Variants in ZAN observed in about 807,000 individuals in gnomAD.
The protein encoded by ZAN is zonadhesin.
Under a neutral mutation model 286.2 loss-of-function variants are expected in ZAN, and 260 were observed. The observed-to-expected ratio is 0.91, with a 90% CI of 0.82 to 1.01. The LOEUF (loss-of-function observed/expected upper bound fraction) is 1.01, where lower values mean the gene tolerates loss of function less well. Among genes scored for constraint, ZAN ranks in the 50% least tolerant of loss-of-function variants. The pLI, the probability that ZAN is intolerant of heterozygous loss-of-function variation, is 0.00. For missense variants in ZAN, 3,410 were observed against 3,639.2 expected (o/e 0.94, Z 1.62); for synonymous variants, 1,368 against 1,417.5 (o/e 0.97, Z 0.79).
At chr7:100,754,550 C>G (rs920180949) in intron 14 of ZAN, among the ~76,000 whole-genome samples, 6 of 151,946 alleles carry the variant, frequency 3.9e-5, no homozygotes, top group Non-Finnish European at 8.8e-5. Context: ...GTCACCCAGG[C>G]TGGAGTGCAG....
In ZAN at chr7:100,787,985, A is replaced by C; in HGVS notation, c.7076A>C (p.Lys2359Thr). The C allele has an allele frequency of 6.4e-7, 1 of 1,555,804 alleles. No individual in the cohort carries two copies. The highest frequency in any genetic ancestry group is 8.8e-7 in the Non-Finnish European group (1 of 1,139,372). The stretch of plus-strand genomic sequence containing the variant: ...GGCCGCATGACCTATGTTCTGATCA[A>C]GACTGTGGACGTACTGCCTGAGGGG... The part of the protein sequence containing the change: ...LQGRMTYVLI[K>T]TVDVLPEGVE... Residue 2359 changes from lysine (K) to threonine (T), a missense_variant, in exon 38 of 48, where the codon AAG (lysine) becomes ACG (threonine). This residue lies in a region of ZAN where 1,289 missense variants were observed against 1,314.3 expected (regional missense o/e 0.98). Coordinates refer to ENST00000613979, the MANE Select transcript of ZAN (RefSeq NM_003386.3).
Position 100,748,516 on chromosome 7 carries a change from C to T in ZAN, c.1249+46C>T, listed in dbSNP as rs1808394386. 3 of 1,570,132 alleles carry T rather than the reference C, an allele frequency of 1.9e-6. No homozygotes were observed. The African/African-American group carries it at 4.1e-5, about 21-fold the overall frequency. The stretch of plus-strand genomic sequence containing the variant: ...TCACGCCAAGAAATCACTCAGTCTG[C>T]TCCCAGGTAGCAGGCTGGCTGCTGT... On this transcript the variant is annotated intron_variant, in intron 11 of 47. Transcript: ENST00000613979.
chr7:100,755,485 C>T, intron 15 of ZAN, 75 bp downstream of exon 15: 4 of 1,545,868 alleles, frequency 2.6e-6, no homozygotes, highest in Non-Finnish European at 2.6e-6. Context: ...TCCATCTGCT[C>T]CCCATGTGAA....
rs542521731 is a variant in ZAN, at chr7:100,765,688, C to T, written c.4470+134C>T. 533 of 1,203,194 alleles carry T rather than the reference C, an allele frequency of 4.4e-4. 2 individuals are homozygous for T. The highest frequency in any genetic ancestry group is 1.7e-3 in the South Asian group (108 of 63,540). 74.5% of individuals were successfully genotyped at this position (1,203,194 alleles called of 1,614,324 possible). On this transcript the variant is annotated intron_variant, in intron 23 of 47. Transcript: ENST00000613979. ...TTTTTGAGACGGAGTTTTGCTCTGT[C>T]GCCAGGCTGGAGTGCAGTGGCACGA...
intron 40 of ZAN, 106 bp from the exon 41 acceptor site, chr7:100,791,860 T>A: frequency 7.4e-7 from 1 of 1,360,400 alleles, no homozygotes; most frequent in Non-Finnish European, 9.9e-7. Context: ...CCCGGGTAGC[T>A]GGGACTCCAG....
chr7:100,768,017 T>A lies in ZAN; in HGVS notation c.5041+6T>A. 6.2e-7 allele frequency: 1 copy of A among 1,608,258 alleles called. No individual in the cohort carries two copies. Among genetic ancestry groups the A allele is most frequent in the Non-Finnish European group, 8.5e-7 (1 of 1,176,896 alleles). ...CCAGCTCTGTGGGCTGTGTGGTGAG[T>A]TTCCTGGGCACCTGCGGGGAAAGCT... On this transcript the variant is annotated splice_donor_region_variant and intron_variant, in intron 26 of 47. Coordinates refer to ENST00000613979, the MANE Select transcript of ZAN (RefSeq NM_003386.3).
intron 29 of ZAN, among the ~76,000 whole-genome samples, chr7:100,772,690 G>A (rs1810455054): frequency 6.6e-6 from 1 of 151,734 alleles, no homozygotes; most frequent in Non-Finnish European, 1.5e-5. Context: ...GCGTGGTGGT[G>A]GGCGCCTGTA....
At chr7:100,788,413 A>G (rs1169193840) in intron 38 of ZAN, among the ~76,000 whole-genome samples, 1 of 151,848 alleles carries the variant, frequency 6.6e-6, no homozygotes, top group East Asian at 1.9e-4. Flanking sequence ...TGAGCTGGAT[A>G]TGGGGGCGCA....
rs1562907819 is a variant in ZAN at position 100,735,740 on chromosome 7, A to G, written c.74A>G (p.Gln25Arg). Residue 25 changes from glutamine (Q) to arginine (R), a missense_variant, in exon 3 of 48, where the codon CAG becomes CGG. By Grantham distance (43) the Gln-to-Arg change is conservative. Transcript: ENST00000613979. ...ALFRKEKPPD[Q>R]KLVVRSSRDN... ...CCAAGGAAAGAGAAGCCTCCGGACC[A>G]GAAGCTGGTTGTTCGCAGCTCTAGG... 1 of 1,510,116 alleles carries G rather than the reference A, an allele frequency of 6.6e-7. No individual in the cohort carries two copies. Among genetic ancestry groups the G allele is most frequent in the African/African-American group, 1.4e-5 (1 of 70,536 alleles). 93.5% of individuals were successfully genotyped at this position (1,510,116 alleles called of 1,614,324 possible). A position where few individuals can be genotyped will look rare whatever the true frequency, so the allele number is the denominator to read the frequency against.
At chr7:100,776,665 C>A in intron 34 of ZAN, 101 bp downstream of exon 34, 1 of 790,690 alleles carries the variant, frequency 1.3e-6, no homozygotes, top group Non-Finnish European at 1.8e-6. Flanking sequence ...CCTCCCCTCC[C>A]CTTCCTTCCT....
chr7:100,783,247 G>A (rs577962976), intron 35 of ZAN, among the ~76,000 whole-genome samples: 200 of 152,046 alleles, frequency 1.3e-3, no homozygotes, highest in Non-Finnish European at 2.2e-3. Flanking sequence ...CAGCCAGGGC[G>A]GAAAGAGCGA....
chr7:100,784,974 T>G, intron 36 of ZAN, 140 bp downstream of exon 36: 1 of 983,738 alleles, frequency 1.0e-6, no homozygotes, highest in Non-Finnish European at 1.5e-6. Context: ...AGTGGCACAT[T>G]GATCTCCAGC....
rs146343271 is a variant in ZAN at position 100,768,726 on chromosome 7, G to A, written c.5153+5G>A. On this transcript the variant is annotated splice_donor_5th_base_variant and intron_variant, in intron 27 of 47. Coordinates refer to ENST00000613979, the MANE Select transcript of ZAN (RefSeq NM_003386.3). ...ACCTGAATCCTCTGAACCTGGGTGA[G>A]CTGGGGGTCAGGGGAGCCAGGCAGG... 1,862 of 1,588,238 alleles carry A rather than the reference G, an allele frequency of 1.2e-3. 12 individuals are homozygous for A. In the African/African-American group the frequency reaches 0.022, roughly 19 times the overall value.
intron 7 of ZAN, among the ~76,000 whole-genome samples, chr7:100,744,870 T>A (rs1209782431): frequency 7.4e-6 from 1 of 134,682 alleles, no homozygotes; most frequent in African/African-American, 3.2e-5. Context: ...GTCTCCTTGG[T>A]TTTTTTTTTG....
At chr7:100,758,121 T>C in intron 15 of ZAN, 81 bp from the exon 16 acceptor site, 1 of 869,254 alleles carries the variant, frequency 1.2e-6, no homozygotes, top group Non-Finnish European at 1.5e-6. Flanking sequence ...AATAAATAAA[T>C]AAATAAATGA....
intron 23 of ZAN, among the ~76,000 whole-genome samples, 158 bp downstream of exon 23, chr7:100,765,712 G>A (rs1228505954): frequency 1.3e-5 from 2 of 152,218 alleles, no homozygotes; most frequent in Admixed American, 6.5e-5. Context: ...GCAGTGGCAC[G>A]ATCTCGGCTC....
intron 2 of ZAN, among the ~76,000 whole-genome samples, chr7:100,734,661 A>G (rs1316102145): frequency 7.3e-6 from 1 of 137,706 alleles, no homozygotes; most frequent in Admixed American, 7.2e-5. Context: ...AGGAAGGGGG[A>G]AACCCGGTGG....
Position 100,765,469 on chromosome 7 carries a change from G to A in ZAN, c.4385G>A (p.Cys1462Tyr). ...GACCGGTGCGTGGAGGCCTGTGAAT[G>A]CAATCCGGGCTTCGTCCTCAGTGGC... ...CSDRCVEACE[C>Y]NPGFVLSGLE... is the part of the protein sequence containing the mutation. The change falls in exon 23 of 48, where the codon TGC becomes TAC. Residue 1462 changes from cysteine to tyrosine, a missense_variant. Cys to Tyr is a radical substitution (Grantham distance 194). Transcript: ENST00000613979. 1 of 1,613,502 alleles carries A rather than the reference G, an allele frequency of 6.2e-7. No individual in the cohort carries two copies. The highest frequency in any genetic ancestry group is 8.5e-7 in the Non-Finnish European group (1 of 1,179,704).
At chr7:100,792,212 C>A in intron 41 of ZAN, 64 bp downstream of exon 41, 1 of 1,509,252 alleles carries the variant, frequency 6.6e-7, no homozygotes, top group Non-Finnish European at 8.9e-7. Flanking sequence ...TTCCCTGGGG[C>A]CTCCTGCCCG....
Sources: gnomAD v4.1 joint callset for allele counts (sites outside exome capture counted in the v4.1 genomes callset) on GRCh38, gnomAD v4.1.1 for gene constraint, gnomAD v4.1.1 regional missense constraint, MANE v1.5 for transcripts, NCBI Gene and HGNC (gene_info 2026-07-23, HGNC 2026-07-21) for gene names.